Variants in RYR2 observed in about 807,000 individuals in gnomAD.
RYR2 encodes the protein ryanodine receptor 2, also known as cardiac muscle ryanodine receptor-calcium release channel.
A neutral mutation model predicts 601.1 loss-of-function variants in RYR2; 227 were observed. The ratio of observed to expected loss-of-function variants is 0.38; its 90% CI spans 0.34 to 0.42. The LOEUF (loss-of-function observed/expected upper bound fraction) is 0.42. RYR2 is among the 10% of genes least tolerant of loss of function. The pLI is 1.00. For missense variants in RYR2, 4,646 were observed against 6,156.5 expected (o/e 0.75, Z 8.21); for synonymous variants, 2,223 against 2,175.1 (o/e 1.02, Z -0.61).
intron 1 of RYR2, among the ~76,000 whole-genome samples, chr1:237,230,939 A>T (rs1275955532): frequency 6.6e-6 from 1 of 151,756 alleles, no homozygotes; most frequent in East Asian, 1.9e-4. Context: ...AAAAAAAAAA[A>T]AAGGATACTC....
rs1227520364 is a variant in RYR2, at chr1:237,614,291, GAAC to G, written c.5167_5169del (p.Asn1723del). 6.2e-7 allele frequency: 1 copy of G among 1,614,022 alleles called. No individual in the cohort carries two copies. Among genetic ancestry groups the G allele is most frequent in the South Asian group, 1.1e-5 (1 of 91,084 alleles). On this transcript the variant is annotated inframe_deletion, in exon 37 of 105. Transcript: ENST00000366574. This position sits in a 1 kb window ranked among gnomAD's most constrained non-coding sequence, Gnocchi z 4.3. ...CCTATGCCACTGCCAGGCTCATGATGAACAACGAGTACATTGTCCCCATGACGG... is the reference window on the plus strand; with the variant it reads ...CCTATGCCACTGCCAGGCTCATGATGAACGAGTACATTGTCCCCATGACGG...
At chr1:237,121,738 C>T (rs574435763) in intron 1 of RYR2, among the ~76,000 whole-genome samples, 1 of 152,274 alleles carries the variant, frequency 6.6e-6, no homozygotes, top group East Asian at 1.9e-4. Context: ...GAAACGGAGG[C>T]CACCATGGGT....
chr1:237,257,688 G>T (rs1271443687), intron 1 of RYR2, among the ~76,000 whole-genome samples: 1 of 152,170 alleles, frequency 6.6e-6, no homozygotes, highest in Non-Finnish European at 1.5e-5. Flanking sequence ...CAAGGAAACA[G>T]TTGAGTAAAC....
At chr1:237,528,062 C>A (rs1020658253) in intron 24 of RYR2, among the ~76,000 whole-genome samples, 5 of 152,088 alleles carry the variant, frequency 3.3e-5, no homozygotes, top group African/African-American at 4.8e-5. Context: ...GTTCAAGTAA[C>A]CCTTATTTTA....
chr1:237,740,656 A>G (rs974869474), intron 79 of RYR2, among the ~76,000 whole-genome samples: 2 of 152,262 alleles, frequency 1.3e-5, no homozygotes, highest in African/African-American at 4.8e-5. Context: ...ATTTTTATAG[A>G]AGACTATGTC....
At chr1:237,629,919 G>A (rs1680074420) in intron 41 of RYR2, among the ~76,000 whole-genome samples, 1 of 152,062 alleles carries the variant, frequency 6.6e-6, no homozygotes, top group Non-Finnish European at 1.5e-5. Flanking sequence ...GGGACAGAGA[G>A]GGAAAGCAAA....
At chr1:237,345,355 A>T (rs1283544460) in intron 3 of RYR2, among the ~76,000 whole-genome samples, 1 of 152,052 alleles carries the variant, frequency 6.6e-6, no homozygotes, top group Admixed American at 6.6e-5. Context: ...AGACTTTATT[A>T]TATGAAATTT....
intron 29 of RYR2, among the ~76,000 whole-genome samples, chr1:237,580,209 G>A (rs545425688): frequency 1.4e-5 from 2 of 143,148 alleles, no homozygotes; most frequent in Admixed American, 7.3e-5. Flanking sequence ...AGGCTTGAGT[G>A]CAATGGTGTG....
intron 1 of RYR2, among the ~76,000 whole-genome samples, chr1:237,094,080 T>A (rs560418343): frequency 4.2e-4 from 64 of 152,338 alleles, no homozygotes; most frequent in Non-Finnish European, 7.1e-4. Flanking sequence ...CTGGCCTGAC[T>A]CCCTTCTTCG....
At chr1:237,128,247 G>T (rs989121050) in intron 1 of RYR2, among the ~76,000 whole-genome samples, 10 of 152,220 alleles carry the variant, frequency 6.6e-5, no homozygotes, top group Non-Finnish European at 1.5e-4. Context: ...GGCGGCACGA[G>T]CCTGCGATCG....
chr1:237,356,565 T>C (rs1226704892), intron 4 of RYR2, among the ~76,000 whole-genome samples: 1 of 151,930 alleles, frequency 6.6e-6, no homozygotes, highest in Non-Finnish European at 1.5e-5. Flanking sequence ...TGCCCAGCCT[T>C]ATATAATCTG....
chr1:237,743,388 A>C (rs934245269), intron 80 of RYR2, among the ~76,000 whole-genome samples: 3 of 152,078 alleles, frequency 2.0e-5, no homozygotes, highest in African/African-American at 7.3e-5. Flanking sequence ...CCATAAGATT[A>C]ATTTCTGTAT....
chr1:237,492,885 A>AAGGAAGTAGGGAAGGAAGGAAGGGAGGG, intron 18 of RYR2, 69 bp from the exon 19 acceptor site: 1 of 1,222,722 alleles, frequency 8.2e-7, no homozygotes, highest in Non-Finnish European at 1.1e-6. Flanking sequence ...GGAAGGAAGG[A>AAGGAAGTAGGGAAGGAAGGAAGGGAGGG]AGGGAGGGAG....
At position 237,363,102 on chromosome 1, in the gene RYR2, A is replaced by T. The variant is rs551343345; in HGVS notation, c.295-1256A>T. Among the ~76,000 whole-genome samples, 6 of 151,968 alleles carry T rather than the reference A, an allele frequency of 3.9e-5. No homozygotes were observed. The East Asian group carries it at 5.8e-4, about 15-fold the overall frequency. On this transcript the variant is annotated intron_variant, in intron 4 of 104. Coordinates refer to ENST00000366574, the MANE Select transcript of RYR2 (RefSeq NM_001035.3). ...GCTTAATTAAAAAAAAAAAAATCTC[A>T]TGAAGAAAGTATCTCTTCACAAACC...
intron 84 of RYR2, among the ~76,000 whole-genome samples, chr1:237,764,367 G>GGGCTTACTTC (rs1343421025): frequency 6.7e-6 from 1 of 148,858 alleles, no homozygotes; most frequent in South Asian, 2.1e-4. Context: ...TATTCTTCAG[G>GGGCTTACTTC]GGCTTACTTC....
chr1:237,553,651 T>C (rs1024958552), intron 27 of RYR2, among the ~76,000 whole-genome samples: 5 of 151,976 alleles, frequency 3.3e-5, no homozygotes, highest in Non-Finnish European at 7.4e-5. Flanking sequence ...TAGCCATATT[T>C]AGTCGACCAA....
chr1:237,778,674 C>T lies in RYR2; in HGVS notation c.11784C>T (p.Cys3928=), dbSNP rs764651068. The change falls in exon 88 of 105, where the codon TGC becomes TGT. Residue 3928 remains cysteine, a synonymous_variant. Coordinates refer to ENST00000366574, the MANE Select transcript of RYR2 (RefSeq NM_001035.3). ...NTLTEYIQGP[C]TGNQQSLAHS... ...GTCTGTTTATGCTCCAGGGTCCTTGCACTGGGAATCAACAGAGTTTGGCAC... is the reference window on the plus strand; with the variant it reads ...GTCTGTTTATGCTCCAGGGTCCTTGTACTGGGAATCAACAGAGTTTGGCAC... 6.3e-7 allele frequency: 1 copy of T among 1,590,616 alleles called. No homozygotes were observed. The highest frequency in any genetic ancestry group is 8.6e-7 in the Non-Finnish European group (1 of 1,160,746).
intron 1 of RYR2, among the ~76,000 whole-genome samples, chr1:237,081,512 C>CATATATAT (rs5781933): frequency 8.7e-5 from 13 of 148,678 alleles, no homozygotes; most frequent in African/African-American, 3.2e-4. Context: ...ACACCCCCCA[C>CATATATAT]ATATATATAT....
intron 29 of RYR2, among the ~76,000 whole-genome samples, chr1:237,586,225 AT>A (rs1301544900): frequency 6.6e-6 from 1 of 152,188 alleles, no homozygotes; most frequent in Non-Finnish European, 1.5e-5. Context: ...TATTTGCCAT[AT>A]TAATTTTATC....
Sources: gnomAD v4.1 joint callset for allele counts (sites outside exome capture counted in the v4.1 genomes callset) on GRCh38, gnomAD v4.1.1 for gene constraint, Gnocchi (gnomAD v3.1) non-coding constraint, MANE v1.5 for transcripts, NCBI Gene and HGNC (gene_info 2026-07-23, HGNC 2026-07-21) for gene names.